Variants in KSR2 observed in about 807,000 individuals in gnomAD.
KSR2 encodes the protein kinase suppressor of ras 2.
KSR2 carries 25 observed loss-of-function variants against 107.8 expected under a neutral mutation model. The ratio of observed to expected loss-of-function variants is 0.23; its 90% CI spans 0.17 to 0.32. The LOEUF is 0.32. KSR2 is among the 10% of genes least tolerant of loss of function. KSR2 has a pLI of 1.00. For missense variants in KSR2, 887 were observed against 1,268.9 expected, an observed-to-expected ratio of 0.70 and a Z score of 4.57; for synonymous variants, 480 against 507.0, an observed-to-expected ratio of 0.95 and a Z score of 0.71.
intron 7 of KSR2, among the ~76,000 whole-genome samples, chr12:117,570,400 C>T (rs544783853): frequency 6.6e-5 from 10 of 152,148 alleles, no homozygotes; most frequent in African/African-American, 2.2e-4. Flanking sequence ...CAGGACAGCC[C>T]CCACAACAAA....
intron 19 of KSR2, among the ~76,000 whole-genome samples, chr12:117,468,214 G>A (rs530433507): frequency 1.3e-5 from 2 of 152,340 alleles, no homozygotes; most frequent in Admixed American, 1.3e-4. Context: ...GAGCTACAGT[G>A]AGTACCTGCT....
At chr12:117,756,388 T>C (rs1888789639) in intron 4 of KSR2, among the ~76,000 whole-genome samples, 1 of 152,222 alleles carries the variant, frequency 6.6e-6, no homozygotes, top group South Asian at 2.1e-4. Context: ...TCTAGGGCTC[T>C]TACGAATTAC....
chr12:117,508,250 TG>T (rs1170999489), intron 14 of KSR2, among the ~76,000 whole-genome samples: 3 of 152,200 alleles, frequency 2.0e-5, no homozygotes, highest in African/African-American at 7.2e-5. Context: ...GATACCAGAA[TG>T]ATGCTGACCA....
chr12:117,811,845 AAAG>A (rs762604251), intron 3 of KSR2, among the ~76,000 whole-genome samples: 1 of 152,230 alleles, frequency 6.6e-6, no homozygotes, highest in African/African-American at 2.4e-5. Flanking sequence ...CCTGCTTAGA[AAAG>A]AAGATGTTTT....
chr12:117,789,970 G>T (rs75351005), intron 3 of KSR2, among the ~76,000 whole-genome samples: 2,240 of 152,260 alleles, frequency 0.015, 21 homozygotes, highest in East Asian at 0.03. Flanking sequence ...AATCTTAGAG[G>T]TATCTGGAGG....
chr12:117,628,887 A>G (rs908184730), intron 5 of KSR2, among the ~76,000 whole-genome samples: 3 of 152,122 alleles, frequency 2.0e-5, no homozygotes, highest in Non-Finnish European at 4.4e-5. Flanking sequence ...TGCTTTGTTT[A>G]CCTACTCAAG....
intron 3 of KSR2, among the ~76,000 whole-genome samples, chr12:117,793,916 ACATGCACACACAC>A (rs1327345726): frequency 2.2e-5 from 3 of 139,512 alleles, no homozygotes; most frequent in East Asian, 2.2e-4. Flanking sequence ...ACTCACACCA[ACATGCACACACAC>A]CATGCACACA....
chr12:117,858,554 G>C (rs192458907), intron 2 of KSR2, among the ~76,000 whole-genome samples: 32 of 152,278 alleles, frequency 2.1e-4, no homozygotes, highest in South Asian at 4.1e-4. Context: ...CTGCGGACAA[G>C]GTCTAAAAAA....
At chr12:117,644,542 A>G (rs1883529897) in intron 5 of KSR2, among the ~76,000 whole-genome samples, 1 of 152,158 alleles carries the variant, frequency 6.6e-6, no homozygotes, top group South Asian at 2.1e-4. Context: ...ATGTCATTGG[A>G]CCAGAGTGCA....
At chr12:117,838,708 C>G (rs1404541265) in intron 3 of KSR2, among the ~76,000 whole-genome samples, 4 of 152,198 alleles carry the variant, frequency 2.6e-5, no homozygotes, top group Non-Finnish European at 4.4e-5. Flanking sequence ...CAATGCCTCC[C>G]CAGCCTCTTC....
intron 3 of KSR2, among the ~76,000 whole-genome samples, chr12:117,808,174 C>A (rs7960763): frequency 6.6e-6 from 1 of 152,126 alleles, no homozygotes; most frequent in African/African-American, 2.4e-5. Context: ...TTCCTTGGGC[C>A]GCTCTGGGTG....
At chr12:117,732,199 A>G (rs1280833475) in intron 4 of KSR2, among the ~76,000 whole-genome samples, 3 of 152,118 alleles carry the variant, frequency 2.0e-5, no homozygotes, top group Non-Finnish European at 4.4e-5. Flanking sequence ...CAGCTGATGG[A>G]CACAGAAAGG....
intron 10 of KSR2, among the ~76,000 whole-genome samples, chr12:117,536,961 C>T (rs1300590700): frequency 6.6e-6 from 1 of 152,160 alleles, no homozygotes. Context: ...ACCTGTAATC[C>T]CAGCACTTTG....
chr12:117,968,945 G>A lies in KSR2; in HGVS notation c.-690C>T, dbSNP rs975004357. On this transcript the variant is annotated 5_prime_UTR_variant, in exon 1 of 20. Coordinates refer to ENST00000339824, the MANE Select transcript of KSR2 (RefSeq NM_173598.6). Reference sequence around the variant, plus strand: ...CCGGGCTCCGGGGGTGACGGTTGCTGCAATCGCTCCTGCCTCGCTCCACAC... The same window carrying A: ...CCGGGCTCCGGGGGTGACGGTTGCTACAATCGCTCCTGCCTCGCTCCACAC... 2 of 238,932 alleles carry A rather than the reference G, an allele frequency of 8.4e-6. No individual in the cohort carries two copies. Among genetic ancestry groups the A allele is most frequent in the Non-Finnish European group, 1.7e-5 (2 of 118,278 alleles). 14.8% of individuals were successfully genotyped at this position (238,932 alleles called of 1,614,324 possible).
intron 14 of KSR2, among the ~76,000 whole-genome samples, chr12:117,487,640 C>T (rs891030810): frequency 3.3e-5 from 5 of 152,154 alleles, no homozygotes; most frequent in Non-Finnish European, 7.3e-5. Context: ...TCATCACAGG[C>T]CAGATCCCAG....
At chr12:117,643,876 T>G (rs1420150049) in intron 5 of KSR2, among the ~76,000 whole-genome samples, 2 of 152,230 alleles carry the variant, frequency 1.3e-5, no homozygotes, top group South Asian at 4.1e-4. Context: ...ATTTTATTCT[T>G]AACACTACCG....
chr12:117,869,391 A>C (rs149712031), intron 1 of KSR2, among the ~76,000 whole-genome samples: 1 of 152,080 alleles, frequency 6.6e-6, no homozygotes, highest in South Asian at 2.1e-4. Context: ...AAAGAAACAA[A>C]GTTTGAGCAT....
rs145327688 is a variant in KSR2, at chr12:117,498,580, G to A, written c.2220-12889C>T. On this transcript the variant is annotated intron_variant, in intron 14 of 19. Coordinates refer to ENST00000339824, the MANE Select transcript of KSR2 (RefSeq NM_173598.6). ...AAGCATCCTGTGTCCCCTGTAGCTCGGGAGGGCTGTGTTTCATGCCAAGTG... is the reference window on the plus strand; with the variant it reads ...AAGCATCCTGTGTCCCCTGTAGCTCAGGAGGGCTGTGTTTCATGCCAAGTG... Among the ~76,000 whole-genome samples, 225 of 152,200 alleles carry A rather than the reference G, an allele frequency of 1.5e-3. 1 individual carries two copies. The highest frequency in any genetic ancestry group is 4.9e-3 in the African/African-American group (204 of 41,518).
At chr12:117,829,822 G>A (rs915093011) in intron 3 of KSR2, among the ~76,000 whole-genome samples, 1 of 152,230 alleles carries the variant, frequency 6.6e-6, no homozygotes, top group African/African-American at 2.4e-5. Flanking sequence ...CTAGTTCACT[G>A]GCTCCTGGAT....
Sources: gnomAD v4.1 joint callset for allele counts (sites outside exome capture counted in the v4.1 genomes callset) on GRCh38, gnomAD v4.1.1 for gene constraint, MANE v1.5 for transcripts, NCBI Gene and HGNC (gene_info 2026-07-23, HGNC 2026-07-21) for gene names.